CAMKMT: variants seen among roughly 807,000 people sequenced by gnomAD.
CAMKMT encodes calmodulin-lysine N-methyltransferase.
A neutral mutation model predicts 48.0 loss-of-function variants in CAMKMT; 53 were observed. The observed-to-expected ratio is 1.10, with a 90% CI of 0.89 to 1.39. The LOEUF is 1.39. Ranked by LOEUF, CAMKMT falls within the 40% of genes most tolerant of loss-of-function variation. The pLI is 0.00. For missense variants in CAMKMT, 428 were observed against 402.7 expected (o/e 1.06, Z -0.54); for synonymous variants, 165 against 152.3 (o/e 1.08, Z -0.61).
At chr2:44,634,767 GT>G (rs755634729) in intron 3 of CAMKMT, among the ~76,000 whole-genome samples, 56 of 132,258 alleles carry the variant, frequency 4.2e-4, no homozygotes, top group Non-Finnish European at 7.5e-4. Flanking sequence ...AACTAGTCTG[GT>G]TTTATAGGTA....
chr2:44,396,649 G>GT (rs1681868688), intron 3 of CAMKMT, among the ~76,000 whole-genome samples: 1 of 151,756 alleles, frequency 6.6e-6, no homozygotes, highest in South Asian at 2.1e-4. Context: ...GTGGAGGGGG[G>GT]TAGGTAAATT....
chr2:44,598,816 C>G lies in CAMKMT; in HGVS notation c.377-105467C>G, dbSNP rs114984653. ...GAAGGAATAAATAAAGTCATGGTTTCACAATGTGAAGTTCAAAAAGGCTAT... is the reference window on the plus strand; with the variant it reads ...GAAGGAATAAATAAAGTCATGGTTTGACAATGTGAAGTTCAAAAAGGCTAT... On this transcript the variant is annotated intron_variant, in intron 3 of 10. Coordinates refer to ENST00000378494, the MANE Select transcript of CAMKMT (RefSeq NM_024766.5). Among the ~76,000 whole-genome samples the G allele has an allele frequency of 8.9e-4, 134 of 150,506 alleles. 1 individual carries two copies. The highest frequency in any genetic ancestry group is 3.1e-3 in the African/African-American group (127 of 40,816).
chr2:44,764,292 G>A (rs1397199743), intron 9 of CAMKMT, among the ~76,000 whole-genome samples: 7 of 152,228 alleles, frequency 4.6e-5, no homozygotes, highest in South Asian at 2.1e-4. Context: ...ATTTTCTTAC[G>A]GGTAAGTGAG....
intron 3 of CAMKMT, among the ~76,000 whole-genome samples, chr2:44,400,394 G>T (rs1572765454): frequency 6.6e-6 from 1 of 152,168 alleles, no homozygotes; most frequent in East Asian, 1.9e-4. Flanking sequence ...AGCTCACATG[G>T]TAATTATTAT....
intron 3 of CAMKMT, among the ~76,000 whole-genome samples, chr2:44,413,010 A>G (rs1269264094): frequency 6.6e-6 from 1 of 152,058 alleles, no homozygotes; most frequent in Non-Finnish European, 1.5e-5. Context: ...CGGGAAGCAG[A>G]GGTTGCAGGG....
chr2:44,728,881 C>T (rs1256952895), intron 7 of CAMKMT, among the ~76,000 whole-genome samples: 6 of 69,964 alleles, frequency 8.6e-5, no homozygotes, highest in Admixed American at 1.8e-4. Context: ...CTCTTGGTTT[C>T]ATTGATCTTT....
At chr2:44,419,534 C>T (rs1002137220) in intron 3 of CAMKMT, among the ~76,000 whole-genome samples, 4 of 152,162 alleles carry the variant, frequency 2.6e-5, no homozygotes, top group East Asian at 1.9e-4. Flanking sequence ...AATAGATTCT[C>T]CTCTAGGCCT....
intron 3 of CAMKMT, among the ~76,000 whole-genome samples, chr2:44,518,757 T>G (rs1387944908): frequency 6.6e-6 from 1 of 152,192 alleles, no homozygotes; most frequent in African/African-American, 2.4e-5. Context: ...ATATTTCTGA[T>G]GGATGGGGCT....
chr2:44,572,850 G>A (rs1668992347), intron 3 of CAMKMT, among the ~76,000 whole-genome samples: 1 of 152,128 alleles, frequency 6.6e-6, no homozygotes, highest in Non-Finnish European at 1.5e-5. Flanking sequence ...TTATTTTTAG[G>A]AACCACCATA....
chr2:44,467,051 G>A (rs1668154119), intron 3 of CAMKMT, among the ~76,000 whole-genome samples: 1 of 152,116 alleles, frequency 6.6e-6, no homozygotes, highest in African/African-American at 2.4e-5. Context: ...AGGAGTTTGA[G>A]ATCAGCCTGG....
chr2:44,400,472 A>G (rs923397449), intron 3 of CAMKMT, among the ~76,000 whole-genome samples: 2 of 152,130 alleles, frequency 1.3e-5, no homozygotes, highest in Non-Finnish European at 2.9e-5. Context: ...TCAGATTTGC[A>G]ATCCCTGATG....
chr2:44,461,854 C>G (rs562689466), intron 3 of CAMKMT, among the ~76,000 whole-genome samples: 4 of 152,176 alleles, frequency 2.6e-5, no homozygotes, highest in African/African-American at 9.6e-5. Flanking sequence ...GGCCAGAATT[C>G]CTTGACCTAC....
chr2:44,648,162 G>C (rs565688939), intron 3 of CAMKMT, among the ~76,000 whole-genome samples: 1 of 151,926 alleles, frequency 6.6e-6, no homozygotes, highest in Non-Finnish European at 1.5e-5. Flanking sequence ...ATTATGTATA[G>C]TATAATGCCA....
rs1353906222 is a variant in CAMKMT at position 44,538,093 on chromosome 2, G to A, written c.376+147788G>A. Among the ~76,000 whole-genome samples, 5 of 152,108 alleles carry A rather than the reference G, an allele frequency of 3.3e-5. No homozygotes were observed. The South Asian group carries it at 1.0e-3, about 32-fold the overall frequency. On this transcript the variant is annotated intron_variant, in intron 3 of 10. Transcript: ENST00000378494. Reference sequence around the variant, plus strand: ...TGAGCAGATAAAGAAAATGTGGCCGGGCGTGGTCGCTCACACCTGTAATCC... The same window carrying A: ...TGAGCAGATAAAGAAAATGTGGCCGAGCGTGGTCGCTCACACCTGTAATCC...
At chr2:44,546,304 C>T (rs530800227) in intron 3 of CAMKMT, among the ~76,000 whole-genome samples, 14 of 152,084 alleles carry the variant, frequency 9.2e-5, no homozygotes, top group Non-Finnish European at 1.8e-4. Context: ...TTGGCCTTGT[C>T]CTGGAAATTC....
chr2:44,619,292 T>C (rs1379212091), intron 3 of CAMKMT, among the ~76,000 whole-genome samples: 1 of 152,218 alleles, frequency 6.6e-6, no homozygotes, highest in Admixed American at 6.5e-5. Context: ...AAAATTGTTA[T>C]GAGTGTACTT....
intron 3 of CAMKMT, among the ~76,000 whole-genome samples, chr2:44,439,767 G>C (rs1264284792): frequency 7.3e-5 from 11 of 151,346 alleles, no homozygotes; most frequent in African/African-American, 2.2e-4. Context: ...GAACCCGGGA[G>C]AGCAAGACTC....
Position 44,707,478 on chromosome 2 carries a change from T to G in CAMKMT, c.556+16T>G. Reference sequence around the variant, plus strand: ...GCCATCAGAAGTATCCTTATTCAGATAGAAAACGGGTTTGTTGTGCTCATT... The same window carrying G: ...GCCATCAGAAGTATCCTTATTCAGAGAGAAAACGGGTTTGTTGTGCTCATT... On this transcript the variant is annotated intron_variant, in intron 6 of 10. Coordinates refer to ENST00000378494, the MANE Select transcript of CAMKMT (RefSeq NM_024766.5). 2 of 1,609,080 alleles carry G rather than the reference T, an allele frequency of 1.2e-6. No homozygotes were observed. The highest frequency in any genetic ancestry group is 1.7e-5 in the Admixed American group (1 of 59,646).
chr2:44,669,882 C>G (rs1327078009), intron 3 of CAMKMT, among the ~76,000 whole-genome samples: 1 of 152,160 alleles, frequency 6.6e-6, no homozygotes, highest in Non-Finnish European at 1.5e-5. Context: ...AAGTGATCTG[C>G]TCACCTCAGC....
Sources: allele counts gnomAD v4.1 joint callset (sites outside exome capture counted in the v4.1 genomes callset), GRCh38; gene constraint gnomAD v4.1.1; transcripts MANE v1.5; gene names NCBI Gene and HGNC (gene_info 2026-07-23, HGNC 2026-07-21).